The following UGT1A4 variants were observed in gnomAD, a reference collection of about 807,000 sequenced individuals.
UGT1A4 encodes UDP glucuronosyltransferase family 1 member A4.
Under a neutral mutation model 41.1 loss-of-function variants are expected in UGT1A4, and 32 were observed. The observed-to-expected ratio is 0.78, with a 90% CI of 0.59 to 1.05. The LOEUF (loss-of-function observed/expected upper bound fraction) is 1.05. Ranked by LOEUF, UGT1A4 falls within the 50% of genes least tolerant of loss-of-function variation. The pLI is 0.00. For synonymous variants in UGT1A4, 283 were observed against 265.1 expected (o/e 1.07, Z -0.66); for missense variants, 748 against 677.4 (o/e 1.10, Z -1.16).
chr2:233,719,683 C>T lies in UGT1A4; in HGVS notation c.863C>T (p.Ser288Phe). The T allele has an allele frequency of 6.2e-7, 1 of 1,614,076 alleles. No homozygotes were observed. The highest frequency in any genetic ancestry group is 1.1e-5 in the South Asian group (1 of 91,088). The change falls in exon 1 of 5, where the codon TCT (serine) becomes TTT (phenylalanine). Residue 288 changes from serine to phenylalanine, a missense_variant. By Grantham distance (155) the Ser-to-Phe change is radical. Coordinates refer to ENST00000373409, the MANE Select transcript of UGT1A4 (RefSeq NM_007120.3). ...GINCANGKPL[S>F]QEFEAYINAS... ...AACTGTGCCAACGGGAAGCCACTAT[C>T]TCAGGTCTGTATTGGTGCCTTCATC...
chr2:233,769,543 G>A lies in UGT1A4; in HGVS notation c.1307+1104G>A, dbSNP rs750789040. The A allele has an allele frequency of 1.2e-6, 2 of 1,612,968 alleles. No individual in the cohort carries two copies. The highest frequency in any genetic ancestry group is 1.7e-6 in the Non-Finnish European group (2 of 1,179,890). On this transcript the variant is annotated intron_variant, in intron 4 of 4. Transcript: ENST00000373409. The surrounding 1 kb of genome is among the most constrained non-coding windows in gnomAD (Gnocchi z 4.4). The stretch of plus-strand genomic sequence containing the variant: ...TTACCTCCTTTAGAAAGAAGCAGCA[G>A]TCAGGAAGACAGATGTGAAGAGCTG...
chr2:233,755,373 C>T (rs534555830), intron 1 of UGT1A4: 63 of 357,550 alleles, frequency 1.8e-4, no homozygotes, highest in Non-Finnish European at 2.9e-4. Flanking sequence ...GCCTGGAGGG[C>T]CGCCCCTTAT....
At chr2:233,742,895 GA>G in intron 1 of UGT1A4, 1 of 165,112 alleles carries the variant, frequency 6.1e-6, no homozygotes, top group Non-Finnish European at 1.3e-5. Flanking sequence ...TTTCCCAACG[GA>G]AAAAGGTAAT....
chr2:233,762,139 G>C (rs983754711), intron 1 of UGT1A4, among the ~76,000 whole-genome samples: 1 of 152,114 alleles, frequency 6.6e-6, no homozygotes, highest in African/African-American at 2.4e-5. Context: ...GGACCTGTGT[G>C]ACTTTGCATT....
At chr2:233,726,326 A>C (rs1219361867) in intron 1 of UGT1A4, among the ~76,000 whole-genome samples, 1 of 152,188 alleles carries the variant, frequency 6.6e-6, no homozygotes, top group Non-Finnish European at 1.5e-5. Context: ...CAGGAGTTTC[A>C]GCACCTGTGG....
intron 3 of UGT1A4, 80 bp from the exon 4 acceptor site, chr2:233,768,140 A>G (rs573022476): frequency 9.8e-5 from 158 of 1,609,884 alleles, no homozygotes; most frequent in Non-Finnish European, 1.2e-4. Context: ...GAGTCTTTGG[A>G]GTGTTTTCAG....
Position 233,769,905 on chromosome 2 carries a change from G to A in UGT1A4, c.1307+1466G>A. On this transcript the variant is annotated intron_variant, in intron 4 of 4. Coordinates refer to ENST00000373409, the MANE Select transcript of UGT1A4 (RefSeq NM_007120.3). The surrounding 1 kb of genome is among the most constrained non-coding windows in gnomAD (Gnocchi z 4.4). ...AGTCCACATAACCTGAGCATCATGTGCCCAGAGCGTTGGGTGGTGTGGTCC... is the reference window on the plus strand; with the variant it reads ...AGTCCACATAACCTGAGCATCATGTACCCAGAGCGTTGGGTGGTGTGGTCC... 1 of 322,682 alleles carries A rather than the reference G, an allele frequency of 3.1e-6. No individual in the cohort carries two copies. Among genetic ancestry groups the A allele is most frequent in the Admixed American group, 4.6e-5 (1 of 21,882 alleles). 20.0% of individuals were successfully genotyped at this position (322,682 alleles called of 1,614,324 possible).
rs180748838 is a variant in UGT1A4, at chr2:233,756,669, G to A, written c.868-10365G>A. ...AACATGGGATGCAGTGATTATTTCC[G>A]CTAGAACTGCTATATAATGACGATG... On this transcript the variant is annotated intron_variant, in intron 1 of 4. Transcript: ENST00000373409. 6.9e-4 allele frequency among the ~76,000 whole-genome samples: 105 copies of A among 152,198 alleles called. No homozygotes were observed. In the South Asian group the frequency reaches 9.1e-3, roughly 13 times the overall value.
intron 1 of UGT1A4, among the ~76,000 whole-genome samples, chr2:233,720,072 T>C (rs1018749083): frequency 5.9e-5 from 9 of 152,264 alleles, no homozygotes; most frequent in African/African-American, 9.6e-5. Flanking sequence ...TAAATTAGAA[T>C]TGTGGACATG....
chr2:233,747,235 C>T, intron 1 of UGT1A4: 2 of 1,604,608 alleles, frequency 1.2e-6, no homozygotes, highest in Non-Finnish European at 1.7e-6. Flanking sequence ...ACCCCAGGTT[C>T]CCCTGCTGTG....
At chr2:233,729,915 G>A in intron 1 of UGT1A4, 3 of 1,613,956 alleles carry the variant, frequency 1.9e-6, no homozygotes, top group Middle Eastern at 3.3e-4. Context: ...ACTTTGTGAT[G>A]GACTACCCCA....
intron 1 of UGT1A4, chr2:233,729,916 G>A (rs2077948862): frequency 6.2e-7 from 1 of 1,614,016 alleles, no homozygotes; most frequent in African/African-American, 1.3e-5. Flanking sequence ...CTTTGTGATG[G>A]ACTACCCCAG....
At chr2:233,754,297 C>G (rs1695445363) in intron 1 of UGT1A4, 1 of 235,612 alleles carries the variant, frequency 4.2e-6, no homozygotes, top group Non-Finnish European at 8.4e-6. Flanking sequence ...TGTCCTAGCA[C>G]TAGGAAATAA....
chr2:233,724,290 G>C (rs2077209364), intron 1 of UGT1A4, among the ~76,000 whole-genome samples: 1 of 136,792 alleles, frequency 7.3e-6, no homozygotes, highest in African/African-American at 2.8e-5. Flanking sequence ...GCGGGGGGCT[G>C]ACCCCCCCAC....
At chr2:233,725,013 C>T (rs2077345814) in intron 1 of UGT1A4, among the ~76,000 whole-genome samples, 2 of 148,174 alleles carry the variant, frequency 1.3e-5, no homozygotes, top group Admixed American at 1.4e-4. Flanking sequence ...CCCGGCCAAA[C>T]AGCAAAACCC....
chr2:233,746,892 G>A (rs1693507408), intron 1 of UGT1A4, among the ~76,000 whole-genome samples: 1 of 151,796 alleles, frequency 6.6e-6, no homozygotes, highest in African/African-American at 2.4e-5. Flanking sequence ...GAAGTAGGAG[G>A]CTGTGACATG....
At chr2:233,728,122 T>C (rs534141246) in intron 1 of UGT1A4, among the ~76,000 whole-genome samples, 2 of 152,362 alleles carry the variant, frequency 1.3e-5, no homozygotes, top group Non-Finnish European at 2.9e-5. Context: ...TCTTGAAATT[T>C]GGACTAGGGC....
At chr2:233,743,297 T>C in intron 1 of UGT1A4, 1 of 557,200 alleles carries the variant, frequency 1.8e-6, no homozygotes, top group South Asian at 1.6e-5. Context: ...TTCTCAATGA[T>C]TCTCTTGGTG....
In UGT1A4 at chr2:233,769,378, G is replaced by A. The variant is rs986725274; in HGVS notation, c.1307+939G>A. Reference sequence around the variant, plus strand: ...TGGTGGCCAGTGGTAGATTTCATCCGACAATAGATACTGTGTGCATATGTG... The same window carrying A: ...TGGTGGCCAGTGGTAGATTTCATCCAACAATAGATACTGTGTGCATATGTG... On this transcript the variant is annotated intron_variant, in intron 4 of 4. Coordinates refer to ENST00000373409, the MANE Select transcript of UGT1A4 (RefSeq NM_007120.3). This position sits in a 1 kb window ranked among gnomAD's most constrained non-coding sequence, Gnocchi z 4.4. Among the ~76,000 whole-genome samples, 7 of 152,200 alleles carry A rather than the reference G, an allele frequency of 4.6e-5. No individual in the cohort carries two copies. Among genetic ancestry groups the A allele is most frequent in the African/African-American group, 7.2e-5 (3 of 41,448 alleles).
Sources: gnomAD v4.1 joint callset for allele counts (sites outside exome capture counted in the v4.1 genomes callset) on GRCh38, gnomAD v4.1.1 for gene constraint, Gnocchi (gnomAD v3.1) non-coding constraint, MANE v1.5 for transcripts, NCBI Gene and HGNC (gene_info 2026-07-23, HGNC 2026-07-21) for gene names.